CNTN5: variants seen among roughly 807,000 people sequenced by gnomAD.
The protein encoded by CNTN5 is contactin 5.
In CNTN5, 77 loss-of-function variants were observed where a neutral mutation model predicts 129.1. The observed-to-expected ratio is 0.60, with a 90% CI of 0.50 to 0.72. The LOEUF is 0.72. CNTN5 is among the 30% of genes least tolerant of loss of function. The pLI, the probability that CNTN5 is intolerant of heterozygous loss-of-function variation, is 0.00. For synonymous variants in CNTN5, 509 were observed against 465.6 expected (o/e 1.09, Z -1.20); for missense variants, 1,478 against 1,328.8 (o/e 1.11, Z -1.75).
chr11:99,175,313 A>G (rs902452050), intron 1 of CNTN5, among the ~76,000 whole-genome samples: 3 of 152,220 alleles, frequency 2.0e-5, no homozygotes, highest in African/African-American at 7.2e-5. Context: ...CCAAACTGTC[A>G]TGTGGAAGAA....
At chr11:100,185,333 C>T (rs1948266957) in intron 13 of CNTN5, among the ~76,000 whole-genome samples, 1 of 152,098 alleles carries the variant, frequency 6.6e-6, no homozygotes, top group South Asian at 2.1e-4. Context: ...GTGACACACC[C>T]TGATCAGGTA....
chr11:99,399,736 C>G (rs1197756781), intron 2 of CNTN5, among the ~76,000 whole-genome samples: 1 of 151,772 alleles, frequency 6.6e-6, no homozygotes, highest in Admixed American at 6.6e-5. Context: ...GAAGATTACA[C>G]TTTGGTTTTT....
At chr11:99,781,623 A>T (rs1035008282) in intron 3 of CNTN5, among the ~76,000 whole-genome samples, 28 of 152,010 alleles carry the variant, frequency 1.8e-4, no homozygotes, top group African/African-American at 6.5e-4. Flanking sequence ...TGGAACGCTG[A>T]CCATAGCTCC....
In CNTN5 at chr11:100,341,197, G is replaced by A. The variant is rs1264278140; in HGVS notation, c.3022G>A (p.Gly1008Ser). 3 of 1,609,968 alleles carry A rather than the reference G, an allele frequency of 1.9e-6. No homozygotes were observed. Among genetic ancestry groups the A allele is most frequent in the Non-Finnish European group, 1.7e-6 (2 of 1,176,362 alleles). ...IPLANESEVV[G>S]YKVFYRQEGH... ...ATTAGCCAACGAATCTGAAGTTGTG[G>A]GTTACAAGGTCAGTATTTCTTCACT... The change falls in exon 23 of 25, where the codon GGT becomes AGT. Residue 1008 changes from glycine (G) to serine (S), a missense_variant. Gly to Ser is a moderately conservative substitution (Grantham distance 56). Coordinates refer to ENST00000524871, the MANE Select transcript of CNTN5 (RefSeq NM_014361.4).
At chr11:100,303,397 CA>C (rs1372599274) in intron 20 of CNTN5, among the ~76,000 whole-genome samples, 1 of 151,256 alleles carries the variant, frequency 6.6e-6, no homozygotes, top group Non-Finnish European at 1.5e-5. Context: ...CTTTTTCTTC[CA>C]CATTTCAAGA....
intron 2 of CNTN5, among the ~76,000 whole-genome samples, chr11:99,446,694 G>A (rs1319088896): frequency 6.6e-6 from 1 of 152,178 alleles, no homozygotes; most frequent in Non-Finnish European, 1.5e-5. Flanking sequence ...TATTTTGCCT[G>A]TAGTCTTCTT....
chr11:99,571,717 A>G (rs1441083957), intron 3 of CNTN5, among the ~76,000 whole-genome samples: 2 of 152,202 alleles, frequency 1.3e-5, no homozygotes, highest in Non-Finnish European at 2.9e-5. Flanking sequence ...AAGGTTTATC[A>G]TAATGAAGTA....
chr11:99,757,499 C>G (rs1944441890), intron 3 of CNTN5, among the ~76,000 whole-genome samples: 1 of 151,154 alleles, frequency 6.6e-6, no homozygotes, highest in South Asian at 2.1e-4. Context: ...CCTTCATCTT[C>G]ACATGGAGCT....
At chr11:99,892,928 A>G (rs1949102997) in intron 6 of CNTN5, among the ~76,000 whole-genome samples, 1 of 152,152 alleles carries the variant, frequency 6.6e-6, no homozygotes, top group South Asian at 2.1e-4. Context: ...CAGTATGGCC[A>G]TTTTCACGAT....
intron 4 of CNTN5, among the ~76,000 whole-genome samples, chr11:99,829,350 C>T (rs530987681): frequency 1.3e-5 from 2 of 152,116 alleles, no homozygotes; most frequent in African/African-American, 2.4e-5. Flanking sequence ...CTGGTCCATA[C>T]TAGGCAGAGA....
intron 1 of CNTN5, among the ~76,000 whole-genome samples, chr11:99,076,379 G>A (rs1195040635): frequency 4.6e-5 from 7 of 151,916 alleles, no homozygotes; most frequent in African/African-American, 1.5e-4. Context: ...TACTTTTGAG[G>A]AGAAGCTCCC....
intron 3 of CNTN5, among the ~76,000 whole-genome samples, chr11:99,806,226 C>G (rs961865640): frequency 2.6e-5 from 4 of 152,106 alleles, no homozygotes; most frequent in African/African-American, 9.7e-5. Context: ...AGTATTGTAC[C>G]TGACCTAAGA....
In CNTN5 at chr11:99,557,375, C is replaced by T. The variant is rs150704949; in HGVS notation, c.55+1106C>T. Among the ~76,000 whole-genome samples, 812 of 151,210 alleles carry T rather than the reference C, an allele frequency of 5.4e-3. 7 individuals carry two copies. The highest frequency in any genetic ancestry group is 0.019 in the African/African-American group (771 of 41,446). ...CATGCATATTATTTACATATGATCA[C>T]TAATATTGCCTCATCTTCTATATGG... On this transcript the variant is annotated intron_variant, in intron 3 of 24. Transcript: ENST00000524871.
intron 1 of CNTN5, among the ~76,000 whole-genome samples, chr11:99,261,947 C>T (rs1862648158): frequency 6.6e-6 from 1 of 151,972 alleles, no homozygotes; most frequent in African/African-American, 2.4e-5. Context: ...GGCATTCCAT[C>T]TACCAAAGGA....
chr11:99,657,384 A>G (rs1952416226), intron 3 of CNTN5, among the ~76,000 whole-genome samples: 1 of 140,710 alleles, frequency 7.1e-6, no homozygotes, highest in Non-Finnish European at 1.7e-5. Context: ...CCAATTCCAT[A>G]TGGTCTAAGG....
intron 21 of CNTN5, among the ~76,000 whole-genome samples, chr11:100,330,472 C>A (rs920599139): frequency 1.3e-5 from 2 of 151,156 alleles, no homozygotes; most frequent in Admixed American, 6.6e-5. Flanking sequence ...ATAAGAAACT[C>A]AAAGAACACC....
intron 13 of CNTN5, among the ~76,000 whole-genome samples, chr11:100,089,144 T>G (rs1390915627): frequency 6.6e-6 from 1 of 152,144 alleles, no homozygotes; most frequent in Non-Finnish European, 1.5e-5. Context: ...TTGAGAAGTG[T>G]CTGTTCATGT....
chr11:99,202,080 A>G (rs1859238675), intron 1 of CNTN5, among the ~76,000 whole-genome samples: 1 of 152,130 alleles, frequency 6.6e-6, no homozygotes, highest in African/African-American at 2.4e-5. Context: ...CTAATAGAAA[A>G]ATTTTACATG....
chr11:99,973,229 A>G (rs1937695474), intron 8 of CNTN5, among the ~76,000 whole-genome samples: 1 of 152,158 alleles, frequency 6.6e-6, no homozygotes, highest in Admixed American at 6.5e-5. Flanking sequence ...AACGTCTGAC[A>G]TTTTATCTCA....
Sources: gnomAD v4.1 joint callset for allele counts (sites outside exome capture counted in the v4.1 genomes callset) on GRCh38, gnomAD v4.1.1 for gene constraint, MANE v1.5 for transcripts, NCBI Gene and HGNC (gene_info 2026-07-23, HGNC 2026-07-21) for gene names.